CTC1: variants seen among roughly 807,000 people sequenced by gnomAD.
CTC1 encodes CST telomere replication complex component 1, also known as CST complex subunit CTC1.
A neutral mutation model predicts 136.3 loss-of-function variants in CTC1; 91 were observed. The ratio of observed to expected loss-of-function variants is 0.67; its 90% confidence interval spans 0.56 to 0.79. The LOEUF is 0.79. Ranked by LOEUF, CTC1 falls within the 30% of genes least tolerant of loss-of-function variation. The pLI is 0.00. For synonymous variants in CTC1, 606 were observed against 613.8 expected, an observed-to-expected ratio of 0.99 and a Z score of 0.19; for missense variants, 1,432 against 1,498.1, an observed-to-expected ratio of 0.96 and a Z score of 0.73.
chr17:8,246,281 C>T (rs1988699797), intron 1 of CTC1, among the ~76,000 whole-genome samples: 2 of 149,142 alleles, frequency 1.3e-5, no homozygotes, highest in South Asian at 2.1e-4. Flanking sequence ...TTTAAGAACA[C>T]AATATGCTTT....
Position 8,231,707 on chromosome 17 carries a change from G to A in CTC1, c.2475+19C>T. ...AAAAAAGCTTTCTGGGGAAAGGTAT[G>A]ATGAAGTAGGACACTCACAGCGGGG... On this transcript the variant is annotated intron_variant, in intron 14 of 22. Transcript: ENST00000651323. 3 of 1,608,942 alleles carry A rather than the reference G, an allele frequency of 1.9e-6. No individual in the cohort carries two copies. Among genetic ancestry groups the A allele is most frequent in the Non-Finnish European group, 2.6e-6 (3 of 1,175,244 alleles).
At position 8,233,002 on chromosome 17, in the gene CTC1, G is replaced by A. The variant is rs2151512893; in HGVS notation, c.1849C>T (p.His617Tyr). Reference sequence around the variant, plus strand: ...TCCCGAAGTTGCAGACAACCTTTATGAGATGAAGCCACCAGAACCCCAAGT... The same window carrying A: ...TCCCGAAGTTGCAGACAACCTTTATAAGATGAAGCCACCAGAACCCCAAGT... Reference protein sequence around the residue: ...VLLGVLVASSHKGCLQLRDQS... With the variant: ...VLLGVLVASSYKGCLQLRDQS... Residue 617 changes from histidine (H) to tyrosine (Y), a missense_variant, in exon 11 of 23, where the codon CAT becomes TAT. Transcript: ENST00000651323. 6.2e-7 allele frequency: 1 copy of A among 1,614,166 alleles called. No homozygotes were observed. Among genetic ancestry groups the A allele is most frequent in the South Asian group, 1.1e-5 (1 of 91,074 alleles).
At chr17:8,244,819 G>T (rs983160960) in intron 1 of CTC1, among the ~76,000 whole-genome samples, 1 of 152,086 alleles carries the variant, frequency 6.6e-6, no homozygotes, top group Non-Finnish European at 1.5e-5. Context: ...GAGCCACCAC[G>T]CCTGGCCTTT....
At position 8,237,516 on chromosome 17, in the gene CTC1, G is replaced by A; in HGVS notation, c.651C>T (p.Asn217=). ...GGTTTCGCTGCACACCTCTGAGCTT[G>A]TTTCTAAGAAGGAAGAAAAAGCCCT... ...ESASCLLRLR[N]KLRGVQRNLA... Residue 217 remains asparagine (N), a synonymous_variant, in exon 5 of 23, where the codon AAC becomes AAT. Transcript: ENST00000651323. 1 of 1,613,752 alleles carries A rather than the reference G, an allele frequency of 6.2e-7. No individual in the cohort carries two copies.
At chr17:8,230,788 T>G in intron 15 of CTC1, 137 bp from the exon 16 acceptor site, 3 of 690,274 alleles carry the variant, frequency 4.3e-6, no homozygotes, top group Non-Finnish European at 5.1e-6. Flanking sequence ...ACCTGAGCTC[T>G]GCCACACTGC....
Position 8,231,944 on chromosome 17 carries a change from C to T in CTC1, c.2344G>A (p.Gly782Arg). The change falls in exon 13 of 23, where the codon GGG becomes AGG. Residue 782 changes from glycine (G) to arginine (R), a missense_variant. Gly to Arg is a moderately radical substitution (Grantham distance 125). Transcript: ENST00000651323. ...TCATTTCCCTGGGGCTCGGGCAGCC[C>T]CCATCCAGTACCCTCCTTCCTCTGG... The part of the protein sequence containing the change: ...GTQRKEGTGW[G>R]LPEPQGNDDN... The T allele has an allele frequency of 6.2e-7, 1 of 1,613,006 alleles. No individual in the cohort carries two copies. Among genetic ancestry groups the T allele is most frequent in the Non-Finnish European group, 8.5e-7 (1 of 1,179,498 alleles).
chr17:8,231,206 C>CTTGGGAG, intron 15 of CTC1, 70 bp downstream of exon 15: 3 of 1,297,450 alleles, frequency 2.3e-6, no homozygotes, highest in Non-Finnish European at 2.1e-6. Flanking sequence ...ATGAAGTCTT[C>CTTGGGAG]ACCAAACCCA....
In CTC1 at chr17:8,233,017, G is replaced by A; in HGVS notation, c.1834C>T (p.Leu612=). The A allele has an allele frequency of 1.2e-6, 2 of 1,614,084 alleles. No individual in the cohort carries two copies. Among genetic ancestry groups the A allele is most frequent in the Non-Finnish European group, 1.7e-6 (2 of 1,179,996 alleles). ...CAACCTTTATGAGATGAAGCCACCA[G>A]AACCCCAAGTAAAACCTGCAAGAAG... is the stretch of plus-strand genomic sequence containing the variant. ...FCPAQVLLGV[L]VASSHKGCLQ... The change falls in exon 11 of 23, where the codon CTG becomes TTG. Residue 612 remains leucine (L), a synonymous_variant. Transcript: ENST00000651323.
intron 18 of CTC1, 27 bp from the exon 19 acceptor site, chr17:8,229,473 A>G: frequency 6.2e-7 from 1 of 1,604,600 alleles, no homozygotes; most frequent in Non-Finnish European, 8.5e-7. Context: ...AGACAGAGAC[A>G]GGGGTCAAGA....
intron 2 of CTC1, among the ~76,000 whole-genome samples, chr17:8,242,033 TA>T (rs758143556): frequency 0.15 from 22,646 of 151,064 alleles, 2,132 homozygotes; most frequent in Non-Finnish European, 0.22. Flanking sequence ...TGATTATTAT[TA>T]TTATTTTTTT....
chr17:8,239,089 CAAAA>C (rs778191636), intron 2 of CTC1, among the ~76,000 whole-genome samples: 10 of 48,766 alleles, frequency 2.1e-4, no homozygotes, highest in African/African-American at 6.1e-4. Flanking sequence ...GAGACTGTCT[CAAAA>C]AAAAAAAAAA....
rs764778308 is a variant in CTC1 at position 8,226,633 on chromosome 17, G to A, written c.*1547C>T. On this transcript the variant is annotated 3_prime_UTR_variant, in exon 23 of 23. Transcript: ENST00000651323. ...GACGTAGTCGGCAGGATTCGAACCT[G>A]CGCGGGGAGACCCCAATGGATTTCT... The A allele has an allele frequency of 5.9e-5, 9 of 152,334 alleles. No individual in the cohort carries two copies. Among genetic ancestry groups the A allele is most frequent in the African/African-American group, 1.7e-4 (7 of 41,576 alleles). The allele number at this position is 152,334 out of a possible 1,614,324, so 9.4% of individuals were successfully genotyped here.
chr17:8,232,417 G>A lies in CTC1; in HGVS notation c.2004C>T (p.Ser668=). Residue 668 remains serine (S), a synonymous_variant, in exon 12 of 23, where the codon AGC becomes AGT. Transcript: ENST00000651323. The stretch of plus-strand genomic sequence containing the variant: ...TGCTCAGCTCCTTCCAGGAAGGGAA[G>A]CTGCTTCTCACGTCCCTCTCTACGA... ...QLIVERDVRS[S]FPSWKELSMP... is the part of the protein sequence containing the mutation. 1 of 1,614,178 alleles carries A rather than the reference G, an allele frequency of 6.2e-7. No homozygotes were observed. The highest frequency in any genetic ancestry group is 8.5e-7 in the Non-Finnish European group (1 of 1,180,026).
In CTC1 at chr17:8,227,070, C is replaced by T. The variant is rs545945504; in HGVS notation, c.*1110G>A. Reference sequence around the variant, plus strand: ...ACCAACTGAGCTAACCGGCCACTAACTTTCCGGGTCTACTTCAAATCTTAA... The same window carrying T: ...ACCAACTGAGCTAACCGGCCACTAATTTTCCGGGTCTACTTCAAATCTTAA... On this transcript the variant is annotated 3_prime_UTR_variant, in exon 23 of 23. Transcript: ENST00000651323. 3.2e-4 allele frequency: 48 copies of T among 150,970 alleles called. No homozygotes were observed. The highest frequency in any genetic ancestry group is 1.1e-3 in the African/African-American group (46 of 40,128). 9.4% of individuals were successfully genotyped at this position (150,970 alleles called of 1,614,324 possible).
At chr17:8,235,027 C>G (rs1480343151) in intron 8 of CTC1, 26 bp downstream of exon 8, 2 of 1,611,214 alleles carry the variant, frequency 1.2e-6, no homozygotes, top group East Asian at 2.2e-5. Flanking sequence ...CACTGCCTCC[C>G]CGCCCTGGGC....
In CTC1 at chr17:8,231,353, G is replaced by GC. The variant is rs769242272; in HGVS notation, c.2591dup (p.Ser864ArgfsTer17). On this transcript the variant is annotated frameshift_variant, in exon 15 of 23. Transcript: ENST00000651323. LOFTEE classifies it high-confidence loss of function. ...CCAGCACATCTTGGATATCCTGGGA[G>GC]CTTTCAAGCTCCAGAGTCCAGTTGT... is the stretch of plus-strand genomic sequence containing the variant. 1.2e-6 allele frequency: 2 copies of GC among 1,611,792 alleles called. No homozygotes were observed. The highest frequency in any genetic ancestry group is 2.2e-5 in the South Asian group (2 of 90,984).
Position 8,230,293 on chromosome 17 carries a change from C to A in CTC1, c.2933+1G>T. The A allele has an allele frequency of 1.9e-6, 3 of 1,608,966 alleles. No individual in the cohort carries two copies. Among genetic ancestry groups the A allele is most frequent in the Non-Finnish European group, 2.5e-6 (3 of 1,178,146 alleles). On this transcript the variant is annotated splice_donor_variant, in intron 17 of 22. Coordinates refer to ENST00000651323, the MANE Select transcript of CTC1 (RefSeq NM_025099.6). LOFTEE classifies it high-confidence loss of function. Reference sequence around the variant, plus strand: ...AGGCAGGTGACACTACACATCTTCACCTGGAAACCCTTTTCTCCAACTGGC... The same window carrying A: ...AGGCAGGTGACACTACACATCTTCAACTGGAAACCCTTTTCTCCAACTGGC...
At chr17:8,241,060 G>A (rs895994690) in intron 2 of CTC1, among the ~76,000 whole-genome samples, 2 of 151,860 alleles carry the variant, frequency 1.3e-5, no homozygotes, top group East Asian at 3.9e-4. Context: ...AGGCTGAGGT[G>A]GGCGGATCAC....
Position 8,232,027 on chromosome 17 carries a change from G to A in CTC1, c.2261C>T (p.Pro754Leu). The change falls in exon 13 of 23, where the codon CCA becomes CTA. Residue 754 changes from proline (P) to leucine (L), a missense_variant. Pro to Leu is a moderately conservative substitution (Grantham distance 98). Coordinates refer to ENST00000651323, the MANE Select transcript of CTC1 (RefSeq NM_025099.6). ...RNFCVPPGAS[P>L]EVPKPALSFY... The stretch of plus-strand genomic sequence containing the variant: ...ACTGAGGGCGGGCTTGGGCACCTCT[G>A]GACTTGCTCCTGGGGGGACACAAAA... The A allele has an allele frequency of 6.3e-7, 1 of 1,587,798 alleles. No homozygotes were observed. Among genetic ancestry groups the A allele is most frequent in the Non-Finnish European group, 8.5e-7 (1 of 1,170,442 alleles).
Sources: gnomAD v4.1 joint callset for allele counts (sites outside exome capture counted in the v4.1 genomes callset) on GRCh38, gnomAD v4.1.1 for gene constraint, MANE v1.5 for transcripts, NCBI Gene and HGNC (gene_info 2026-07-23, HGNC 2026-07-21) for gene names.